Variants in ZDHHC11B observed in about 807,000 individuals in gnomAD.
ZDHHC11B encodes the protein zDHHC palmitoyltransferase 11B (putative).
In ZDHHC11B, 17 loss-of-function variants were observed where a neutral mutation model predicts 42.3. The ratio of observed to expected loss-of-function variants is 0.40; its 90% CI spans 0.27 to 0.60. ZDHHC11B has a LOEUF of 0.60. Among genes scored for constraint, ZDHHC11B ranks in the 20% least tolerant of loss-of-function variants. The pLI, the probability that ZDHHC11B is intolerant of heterozygous loss-of-function variation, is 0.41. For missense variants in ZDHHC11B, 262 were observed against 463.2 expected, an observed-to-expected ratio of 0.57 and a Z score of 3.99; for synonymous variants, 123 against 193.5, an observed-to-expected ratio of 0.64 and a Z score of 3.02.
At chr5:758,636 A>C (rs1300657663) in intron 4 of ZDHHC11B, among the ~76,000 whole-genome samples, 1 of 151,730 alleles carries the variant, frequency 6.6e-6, no homozygotes, top group African/African-American at 2.4e-5. Flanking sequence ...GTCACCCTGA[A>C]GGCGTCCACC....
intron 4 of ZDHHC11B, among the ~76,000 whole-genome samples, chr5:762,175 AGCCACTCACAGTCCCAGCCG>A (rs1286306869): frequency 3.3e-4 from 20 of 60,960 alleles, no homozygotes; most frequent in Non-Finnish European, 5.7e-4. Flanking sequence ...AGCCCTGGAC[AGCCACTCACAGTCCCAGCCG>A]GCCACTCACA....
intron 7 of ZDHHC11B, among the ~76,000 whole-genome samples, chr5:748,962 C>T (rs1359020770): frequency 1.6e-5 from 1 of 62,020 alleles, no homozygotes; most frequent in Non-Finnish European, 3.1e-5. Context: ...AGTGCCTACC[C>T]CTTCCTAAGT....
chr5:712,612 A>T (rs547829895), intron 13 of ZDHHC11B, among the ~76,000 whole-genome samples: 2,295 of 144,018 alleles, frequency 0.016, 30 homozygotes, highest in East Asian at 0.056. Context: ...TAGATATTTT[A>T]AAAAATATTT....
intron 13 of ZDHHC11B, among the ~76,000 whole-genome samples, chr5:714,700 T>G (rs1429786767): frequency 1.6e-5 from 2 of 124,464 alleles, no homozygotes; most frequent in Non-Finnish European, 3.7e-5. Context: ...TGAGCCATCT[T>G]GTTTCAATCA....
At chr5:770,075 C>T (rs1469610494) in intron 1 of ZDHHC11B, among the ~76,000 whole-genome samples, 8 of 151,740 alleles carry the variant, frequency 5.3e-5, no homozygotes, top group African/African-American at 1.9e-4. Flanking sequence ...TGGGGGGCGT[C>T]CTGTTGGCAG....
At chr5:746,751 C>A (rs147176103) in intron 8 of ZDHHC11B, among the ~76,000 whole-genome samples, 70 of 150,480 alleles carry the variant, frequency 4.7e-4, no homozygotes, top group African/African-American at 1.5e-3. Context: ...AAGGAGCCTG[C>A]AGCCCCCCAC....
chr5:766,563 T>G (rs1735410885), intron 4 of ZDHHC11B, 135 bp downstream of exon 4: 12 of 1,030,918 alleles, frequency 1.2e-5, no homozygotes, highest in Admixed American at 2.3e-5. Context: ...ACCTGCAGGC[T>G]CGGGGGACAT....
chr5:756,748 A>G (rs2127134905), intron 4 of ZDHHC11B, among the ~76,000 whole-genome samples: 1 of 151,774 alleles, frequency 6.6e-6, no homozygotes. Flanking sequence ...ACAGCCTCAG[A>G]CAGGAGGAGC....
rs564116399 is a variant in ZDHHC11B at position 774,360 on chromosome 5, A to G, written c.-229-5430T>C. Among the ~76,000 whole-genome samples the G allele has an allele frequency of 6.5e-3, 990 of 151,900 alleles. 1 individual carries two copies. The highest frequency in any genetic ancestry group is 0.022 in the African/African-American group (909 of 41,190). On this transcript the variant is annotated intron_variant, in intron 1 of 13. Coordinates refer to ENST00000508859, the MANE Select transcript of ZDHHC11B (RefSeq NM_001351303.2). ...GAAACCCGGGTGTCCATGTGGCATCAGTAAGCGGGGCCAGGCACTAGGACT... is the reference window on the plus strand; with the variant it reads ...GAAACCCGGGTGTCCATGTGGCATCGGTAAGCGGGGCCAGGCACTAGGACT...
intron 1 of ZDHHC11B, among the ~76,000 whole-genome samples, chr5:772,500 C>T (rs1430184138): frequency 2.7e-4 from 41 of 151,630 alleles, no homozygotes; most frequent in Middle Eastern, 3.5e-3. Flanking sequence ...GCAAGGCCAC[C>T]TGCAGTGGGT....
At chr5:720,025 T>C (rs1026884262) in intron 12 of ZDHHC11B, among the ~76,000 whole-genome samples, 30 of 151,776 alleles carry the variant, frequency 2.0e-4, no homozygotes, top group Non-Finnish European at 1.2e-4. Context: ...GGTTTGGTAC[T>C]ATCTACAGTT....
rs443668 is a variant in ZDHHC11B at position 731,691 on chromosome 5, C to A, written c.1024-1223G>T. On this transcript the variant is annotated intron_variant, in intron 11 of 13. Coordinates refer to ENST00000508859, the MANE Select transcript of ZDHHC11B (RefSeq NM_001351303.2). ...CTTTTACTGGTGACAATGGAAGAAACAATTTTAAATGCTTAAAGTCAAATG... is the reference window on the plus strand; with the variant it reads ...CTTTTACTGGTGACAATGGAAGAAAAAATTTTAAATGCTTAAAGTCAAATG... Among the ~76,000 whole-genome samples, 8 of 148,376 alleles carry A rather than the reference C, an allele frequency of 5.4e-5. 1 individual carries two copies. The South Asian group carries it at 8.6e-4, about 16-fold the overall frequency.
intron 10 of ZDHHC11B, among the ~76,000 whole-genome samples, chr5:740,122 CA>C (rs1744006300): frequency 8.3e-6 from 1 of 119,804 alleles, no homozygotes; most frequent in African/African-American, 2.6e-5. Context: ...TTTTGGGACT[CA>C]GGGGGAGTGG....
chr5:745,975 C>T (rs1410833635), intron 8 of ZDHHC11B, among the ~76,000 whole-genome samples: 1 of 148,588 alleles, frequency 6.7e-6, no homozygotes, highest in Non-Finnish European at 1.5e-5. Context: ...TAGCCCTGCG[C>T]AGTGCCCACA....
intron 4 of ZDHHC11B, among the ~76,000 whole-genome samples, chr5:763,384 AAAAGAAG>A (rs759023401): frequency 4.1e-5 from 6 of 148,088 alleles, no homozygotes; most frequent in African/African-American, 1.0e-4. Context: ...AAAAAAAAAA[AAAAGAAG>A]AAGAAGAAGA....
At chr5:770,291 C>T (rs866882573) in intron 1 of ZDHHC11B, among the ~76,000 whole-genome samples, 15 of 150,044 alleles carry the variant, frequency 1.0e-4, no homozygotes, top group African/African-American at 3.2e-4. Context: ...CCAGCTGCCC[C>T]GCAGGCACGC....
At chr5:715,604 C>T (rs1190053331) in intron 13 of ZDHHC11B, among the ~76,000 whole-genome samples, 1 of 151,682 alleles carries the variant, frequency 6.6e-6, no homozygotes, top group Non-Finnish European at 1.5e-5. Flanking sequence ...GTCTTCTCAT[C>T]TCAACTTGTC....
In ZDHHC11B at chr5:777,814, C is replaced by T. The variant is rs544216877; in HGVS notation, c.-230+6854G>A. Among the ~76,000 whole-genome samples, 12 of 152,098 alleles carry T rather than the reference C, an allele frequency of 7.9e-5. No homozygotes were observed. The South Asian group carries it at 1.2e-3, about 16-fold the overall frequency. ...CAGGCGGAGCTGCCCGCCAGTACTGCGCCACGCGCCCGCACTCCTCAGCCC... is the reference window on the plus strand; with the variant it reads ...CAGGCGGAGCTGCCCGCCAGTACTGTGCCACGCGCCCGCACTCCTCAGCCC... On this transcript the variant is annotated intron_variant, in intron 1 of 13. Coordinates refer to ENST00000508859, the MANE Select transcript of ZDHHC11B (RefSeq NM_001351303.2).
intron 12 of ZDHHC11B, among the ~76,000 whole-genome samples, chr5:721,090 C>CT (rs1340929826): frequency 1.3e-5 from 2 of 151,674 alleles, no homozygotes; most frequent in Non-Finnish European, 2.9e-5. Context: ...GGGCAACAGA[C>CT]TGAGTCCTGT....
Sources: gnomAD v4.1 joint callset for allele counts (sites outside exome capture counted in the v4.1 genomes callset) on GRCh38, gnomAD v4.1.1 for gene constraint, MANE v1.5 for transcripts, NCBI Gene and HGNC (gene_info 2026-07-23, HGNC 2026-07-21) for gene names.